MXD4: variants seen among roughly 807,000 people sequenced by gnomAD.
MXD4 encodes MAX dimerization protein 4, also known as Mad4 homolog.
MXD4 carries 16 observed loss-of-function variants against 24.5 expected under a neutral mutation model. The ratio of observed to expected loss-of-function variants is 0.65; its 90% CI spans 0.44 to 0.99. The LOEUF (loss-of-function observed/expected upper bound fraction) is 0.99. Among genes scored for constraint, MXD4 ranks in the 50% least tolerant of loss-of-function variants. MXD4 has a pLI of 0.00. For synonymous variants in MXD4, 164 were observed against 134.2 expected, an observed-to-expected ratio of 1.22 and a Z score of -1.54; for missense variants, 301 against 301.5, an observed-to-expected ratio of 1.00 and a Z score of 0.01.
chr4:2,261,281 A>C (rs539059720), intron 2 of MXD4, among the ~76,000 whole-genome samples: 1 of 151,934 alleles, frequency 6.6e-6, no homozygotes, highest in African/African-American at 2.4e-5. Flanking sequence ...GAGCCAGTCG[A>C]AAGGAGGCCG....
intron 2 of MXD4, chr4:2,258,964 G>A (rs532421991): frequency 2.2e-6 from 1 of 455,902 alleles, no homozygotes; most frequent in African/African-American, 2.0e-5. Context: ...AGGATAACGA[G>A]GCAGGGGGAC....
chr4:2,261,919 C>T lies in MXD4; in HGVS notation c.62G>A (p.Arg21Gln). The T allele has an allele frequency of 6.8e-7, 1 of 1,463,348 alleles. No individual in the cohort carries two copies. Among genetic ancestry groups the T allele is most frequent in the South Asian group, 1.3e-5 (1 of 77,248 alleles). The allele number at this position is 1,463,348 out of a possible 1,614,324, so 90.6% of individuals were successfully genotyped here. The change falls in exon 1 of 6, where the codon CGA (arginine) becomes CAA (glutamine). Residue 21 changes from arginine to glutamine, a missense_variant and splice_region_variant. Physicochemically the swap from Arg to Gln is conservative, Grantham distance 43 (BLOSUM62 1). Coordinates refer to ENST00000337190, the MANE Select transcript of MXD4 (RefSeq NM_006454.3). ...GCACAATGGGGTGCGAGCGCTACCT[C>T]GATCCCTGCGCTCCAGGTACTCGGC... ...EAAEYLERRDREAEHGYASVL... is the reference protein window; with the variant it reads ...EAAEYLERRDQEAEHGYASVL...
intron 3 of MXD4, among the ~76,000 whole-genome samples, chr4:2,257,292 G>A (rs920535454): frequency 1.3e-5 from 2 of 152,344 alleles, no homozygotes; most frequent in South Asian, 4.1e-4. Context: ...AGGATCACAA[G>A]TCAGGAGAGA....
intron 3 of MXD4, among the ~76,000 whole-genome samples, chr4:2,257,071 A>C (rs947812102): frequency 6.6e-6 from 1 of 152,208 alleles, no homozygotes; most frequent in African/African-American, 2.4e-5. Flanking sequence ...CTCAGAGAAC[A>C]CTGCGTTCTG....
rs1577813958 is a variant in MXD4 at position 2,247,828 on chromosome 4, G to A, written c.*2716C>T. ...CCCAAGCACCGTGCCACTAAGATGG[G>A]GTCTGCAGAGGCAAAGCCTTGCTGC... is the stretch of plus-strand genomic sequence containing the variant. On this transcript the variant is annotated 3_prime_UTR_variant, in exon 6 of 6. Transcript: ENST00000337190. 6.6e-6 allele frequency: 1 copy of A among 152,570 alleles called. No individual in the cohort carries two copies. Among genetic ancestry groups the A allele is most frequent in the East Asian group, 1.9e-4 (1 of 5,188 alleles). 9.5% of individuals were successfully genotyped at this position (152,570 alleles called of 1,614,324 possible).
Position 2,261,903 on chromosome 4 carries a change from G to A in MXD4, c.64+14C>T, listed in dbSNP as rs1735556692. ...GCCCACCGCCGCGGGCGCACAATGG[G>A]GTGCGAGCGCTACCTCGATCCCTGC... On this transcript the variant is annotated intron_variant, in intron 1 of 5. Coordinates refer to ENST00000337190, the MANE Select transcript of MXD4 (RefSeq NM_006454.3). 10 of 1,449,388 alleles carry A rather than the reference G, an allele frequency of 6.9e-6. No homozygotes were observed. The highest frequency in any genetic ancestry group is 8.2e-6 in the Non-Finnish European group (9 of 1,100,396). The allele number at this position is 1,449,388 out of a possible 1,614,324, so 89.8% of individuals were successfully genotyped here.
chr4:2,260,506 T>C (rs1735518209), intron 2 of MXD4: 6 of 454,956 alleles, frequency 1.3e-5, no homozygotes, highest in Non-Finnish European at 2.7e-5. Context: ...CCCAGAGTTC[T>C]CCACGGGTCA....
rs75987976 is a variant in MXD4, at chr4:2,249,881, C to T, written c.*663G>A. Reference sequence around the variant, plus strand: ...GAGTGGGTGTGTCTAGGTGCGTGCGCGTGTGCGTCTGACAGTCCTACCAGA... The same window carrying T: ...GAGTGGGTGTGTCTAGGTGCGTGCGTGTGTGCGTCTGACAGTCCTACCAGA... On this transcript the variant is annotated 3_prime_UTR_variant, in exon 6 of 6. Coordinates refer to ENST00000337190, the MANE Select transcript of MXD4 (RefSeq NM_006454.3). The T allele has an allele frequency of 0.017, 2,589 of 153,420 alleles. 101 individuals carry two copies. The highest frequency in any genetic ancestry group is 0.16 in the East Asian group (807 of 5,170). The allele number at this position is 153,420 out of a possible 1,614,324, so 9.5% of individuals were successfully genotyped here. A position where few individuals can be genotyped will look rare whatever the true frequency, so the allele number is the denominator to read the frequency against.
At chr4:2,255,186 G>A (rs527691574) in intron 3 of MXD4, 13 of 395,756 alleles carry the variant, frequency 3.3e-5, no homozygotes, top group Admixed American at 8.5e-5. Context: ...ATCAAGTGAG[G>A]AAATGGAGAA....
intron 2 of MXD4, 91 bp downstream of exon 2, chr4:2,261,634 G>T (rs1735547836): frequency 1.3e-6 from 1 of 749,984 alleles, no homozygotes; most frequent in Non-Finnish European, 1.7e-6. Context: ...GCTGAGGGCC[G>T]CGGGCCGGGA....
At chr4:2,254,226 C>T (rs1052811493) in intron 3 of MXD4, 3 of 152,032 alleles carry the variant, frequency 2.0e-5, no homozygotes, top group South Asian at 2.1e-4. Flanking sequence ...ATTAAAAGTA[C>T]CCCCGAATTC....
chr4:2,253,926 C>A (rs1318445262), intron 3 of MXD4: 1 of 150,172 alleles, frequency 6.7e-6, no homozygotes, highest in Non-Finnish European at 1.5e-5. Context: ...CTCCCCACCG[C>A]CAACAGGAGT....
In MXD4 at chr4:2,256,408, G is replaced by A. The variant is rs1015638991; in HGVS notation, c.194+1574C>T. 1.1e-4 allele frequency among the ~76,000 whole-genome samples: 17 copies of A among 152,228 alleles called. No individual in the cohort carries two copies. In the East Asian group the frequency reaches 1.2e-3, roughly 10 times the overall value. Reference sequence around the variant, plus strand: ...GTAAGGGGACAACTCCGGGCAAAGCGATGTCCAGGGCCTGCCTCCCGGGGA... The same window carrying A: ...GTAAGGGGACAACTCCGGGCAAAGCAATGTCCAGGGCCTGCCTCCCGGGGA... On this transcript the variant is annotated intron_variant, in intron 3 of 5. Transcript: ENST00000337190.
intron 4 of MXD4, among the ~76,000 whole-genome samples, chr4:2,251,553 G>A (rs146715421): frequency 1.3e-4 from 20 of 152,340 alleles, no homozygotes; most frequent in African/African-American, 3.1e-4. Context: ...GTGTGGCAGC[G>A]GGTCAGTGCT....
intron 3 of MXD4, chr4:2,252,916 A>G: frequency 4.9e-6 from 1 of 202,784 alleles, no homozygotes. Flanking sequence ...GGACCCAGAC[A>G]AGATTCACGT....
chr4:2,256,759 G>A (rs1245499897), intron 3 of MXD4, among the ~76,000 whole-genome samples: 1 of 152,106 alleles, frequency 6.6e-6, no homozygotes, highest in Non-Finnish European at 1.5e-5. Flanking sequence ...CAGCTGCAGG[G>A]GTCCCCTGTC....
intron 3 of MXD4, among the ~76,000 whole-genome samples, chr4:2,256,038 G>A (rs1735421884): frequency 6.6e-6 from 1 of 152,250 alleles, no homozygotes; most frequent in African/African-American, 2.4e-5. Flanking sequence ...GGCTGCAGGG[G>A]GCTCCTGGGG....
At position 2,257,918 on chromosome 4, in the gene MXD4, C is replaced by A. The variant is rs1173222750; in HGVS notation, c.194+64G>T. 6.9e-6 allele frequency: 11 copies of A among 1,604,916 alleles called. No individual in the cohort carries two copies. In the African/African-American group the frequency reaches 1.1e-4, roughly 16 times the overall value. On this transcript the variant is annotated intron_variant, in intron 3 of 5. Transcript: ENST00000337190. ...GGACAGGGGCAGGCTCAACGCACCA[C>A]ACACCCTCAGTAAAAGGGTGGGCCA...
Position 2,252,871 on chromosome 4 carries a change from C to G in MXD4, c.195-349G>C. 1.7e-5 allele frequency: 3 copies of G among 180,870 alleles called. No homozygotes were observed. In the South Asian group the frequency reaches 1.8e-4, roughly 11 times the overall value. 11.2% of individuals were successfully genotyped at this position (180,870 alleles called of 1,614,324 possible). Reference sequence around the variant, plus strand: ...ACATGCAGGGAGGGGTGGGGTGAGGCGAGGGTGCCTTTCAGGCTGCACCGA... The same window carrying G: ...ACATGCAGGGAGGGGTGGGGTGAGGGGAGGGTGCCTTTCAGGCTGCACCGA... On this transcript the variant is annotated intron_variant, in intron 3 of 5. Transcript: ENST00000337190.
Sources: gnomAD v4.1 joint callset for allele counts (sites outside exome capture counted in the v4.1 genomes callset) on GRCh38, gnomAD v4.1.1 for gene constraint, MANE v1.5 for transcripts, NCBI Gene and HGNC (gene_info 2026-07-23, HGNC 2026-07-21) for gene names.